SCN10A: variants seen among roughly 807,000 people sequenced by gnomAD.
The protein encoded by SCN10A is sodium voltage-gated channel alpha subunit 10.
SCN10A carries 162 observed loss-of-function variants against 170.7 expected under a neutral mutation model. The ratio of observed to expected loss-of-function variants is 0.95; its 90% CI spans 0.84 to 1.08. The LOEUF (loss-of-function observed/expected upper bound fraction) is 1.08, where lower values mean the gene tolerates loss of function less well. Among genes scored for constraint, SCN10A ranks in the 50% least tolerant of loss-of-function variants. The pLI is 0.00. For synonymous variants in SCN10A, 985 were observed against 904.6 expected (o/e 1.09, Z -1.59); for missense variants, 2,527 against 2,436.9 (o/e 1.04, Z -0.78).
At chr3:38,720,673 C>T (rs35095264) in intron 20 of SCN10A, among the ~76,000 whole-genome samples, 57 of 151,880 alleles carry the variant, frequency 3.8e-4, no homozygotes, top group Non-Finnish European at 6.9e-4. Flanking sequence ...TGCTGCAGGT[C>T]TGAGCTTCCT....
In SCN10A at chr3:38,728,751, C is replaced by G. The variant is rs77049337; in HGVS notation, c.2431G>C (p.Glu811Gln). Reference protein sequence around the residue: ...FALVGKQLLGENYRNNRKNIS... With the variant: ...FALVGKQLLGQNYRNNRKNIS... ...TTTTTTCGGTTGTTACGGTAGTTTT[C>G]CCCTAGGAGCTGCTTGCCAACCAGA... The change falls in exon 16 of 28, where the codon GAA (glutamate) becomes CAA (glutamine). Residue 811 changes from glutamate (E) to glutamine (Q), a missense_variant. By Grantham distance (29) the Glu-to-Gln change is conservative. Coordinates refer to ENST00000449082, the MANE Select transcript of SCN10A (RefSeq NM_006514.4). The G allele has an allele frequency of 3.2e-5, 52 of 1,614,026 alleles. No individual in the cohort carries two copies. Among genetic ancestry groups the G allele is most frequent in the Non-Finnish European group, 3.7e-5 (44 of 1,180,044 alleles).
At chr3:38,705,082 G>A (rs772515740) in intron 26 of SCN10A, among the ~76,000 whole-genome samples, 1 of 152,224 alleles carries the variant, frequency 6.6e-6, no homozygotes, top group Non-Finnish European at 1.5e-5. Flanking sequence ...AGCTAGGATG[G>A]TCCAAGACCT....
At chr3:38,722,523 G>A (rs1413612633) in intron 19 of SCN10A, 111 bp from the exon 20 acceptor site, 3 of 1,312,658 alleles carry the variant, frequency 2.3e-6, no homozygotes, top group Admixed American at 2.1e-5. Flanking sequence ...TCATGCCCTT[G>A]GAAAAAAATT....
intron 13 of SCN10A, among the ~76,000 whole-genome samples, chr3:38,749,368 C>CA (rs887184275): frequency 1.3e-5 from 2 of 151,904 alleles, no homozygotes; most frequent in East Asian, 1.9e-4. Context: ...TACCCTAAGG[C>CA]AAAAAAAGGC....
intron 10 of SCN10A, 53 bp from the exon 11 acceptor site, chr3:38,756,011 T>C: frequency 5.0e-6 from 8 of 1,595,018 alleles, no homozygotes; most frequent in Non-Finnish European, 4.3e-6. Flanking sequence ...GGACTTAGCA[T>C]GAATGTGTCC....
chr3:38,756,090 G>A, intron 10 of SCN10A, 132 bp from the exon 11 acceptor site: 1 of 924,328 alleles, frequency 1.1e-6, no homozygotes, highest in Non-Finnish European at 1.7e-6. Flanking sequence ...CCAGGGTGGT[G>A]GTGGGATTAG....
At chr3:38,724,511 C>T (rs1247575489) in intron 18 of SCN10A, among the ~76,000 whole-genome samples, 1 of 152,230 alleles carries the variant, frequency 6.6e-6, no homozygotes, top group Non-Finnish European at 1.5e-5. Flanking sequence ...TCCTAAACCT[C>T]TAATCTTCCA....
At chr3:38,798,786 CTTTTTTTTTT>C (rs35930968) in intron 1 of SCN10A, among the ~76,000 whole-genome samples, 4 of 97,732 alleles carry the variant, frequency 4.1e-5, no homozygotes, top group African/African-American at 8.1e-5. Context: ...CCCTTGCCTC[CTTTTTTTTTT>C]TTTTTTTTTT....
At chr3:38,797,439 T>C (rs919409070) in intron 1 of SCN10A, among the ~76,000 whole-genome samples, 1 of 152,202 alleles carries the variant, frequency 6.6e-6, no homozygotes, top group Non-Finnish European at 1.5e-5. Context: ...CTCCTGCCTA[T>C]TTGTAGTTGA....
Position 38,792,048 on chromosome 3 carries a change from A to G in SCN10A, c.389+2T>C. On this transcript the variant is annotated splice_donor_variant, in intron 3 of 27. Coordinates refer to ENST00000449082, the MANE Select transcript of SCN10A (RefSeq NM_006514.4). LOFTEE classifies it high-confidence loss of function. ...TGGAAGAGGCAATCGTGCAAAGGAT[A>G]TGAGTGGACAGACACTTTGATGGCC... The G allele has an allele frequency of 1.2e-6, 2 of 1,613,422 alleles. No homozygotes were observed. The highest frequency in any genetic ancestry group is 2.2e-5 in the East Asian group (1 of 44,864).
At chr3:38,764,417 C>G (rs1242595676) in intron 5 of SCN10A, among the ~76,000 whole-genome samples, 2 of 152,044 alleles carry the variant, frequency 1.3e-5, no homozygotes, top group African/African-American at 2.4e-5. Flanking sequence ...CATTGTTATG[C>G]CTTTGCATCC....
chr3:38,815,884 A>G (rs6798701), intron 1 of SCN10A, among the ~76,000 whole-genome samples, 153 bp downstream of exon 1: 31,197 of 152,144 alleles, frequency 0.21, 4,033 homozygotes, highest in African/African-American at 0.35. Flanking sequence ...TTTTCCAAGA[A>G]CTATGGGTGT....
At chr3:38,762,119 G>A (rs2063881451) in intron 6 of SCN10A, among the ~76,000 whole-genome samples, 1 of 152,180 alleles carries the variant, frequency 6.6e-6, no homozygotes, top group East Asian at 1.9e-4. Context: ...CTTTGGGAGA[G>A]CAGCTTCGCA....
At chr3:38,798,631 CA>C (rs2126063705) in intron 1 of SCN10A, among the ~76,000 whole-genome samples, 1 of 152,238 alleles carries the variant, frequency 6.6e-6, no homozygotes, top group Non-Finnish European at 1.5e-5. Context: ...AGTTTAGCTC[CA>C]AGCTCGGCCC....
intron 1 of SCN10A, among the ~76,000 whole-genome samples, chr3:38,795,571 C>G (rs1389609415): frequency 6.6e-6 from 1 of 151,904 alleles, no homozygotes; most frequent in African/African-American, 2.4e-5. Flanking sequence ...CAGTTCTTAT[C>G]TTGATGGTCC....
intron 20 of SCN10A, among the ~76,000 whole-genome samples, chr3:38,721,004 G>A (rs544986234): frequency 1.3e-5 from 2 of 152,258 alleles, no homozygotes; most frequent in South Asian, 4.1e-4. Flanking sequence ...CTGTCACACA[G>A]TTCCCCCTCC....
At chr3:38,778,263 C>T (rs62244107) in intron 4 of SCN10A, among the ~76,000 whole-genome samples, 31,524 of 151,726 alleles carry the variant, frequency 0.21, 3,896 homozygotes, top group Middle Eastern at 0.31. Flanking sequence ...AAAGGTTTTC[C>T]AGAATATTGT....
chr3:38,813,802 T>C (rs1435818191), intron 1 of SCN10A, among the ~76,000 whole-genome samples: 1 of 152,232 alleles, frequency 6.6e-6, no homozygotes, highest in Non-Finnish European at 1.5e-5. Flanking sequence ...ATATTAATAG[T>C]TCTAAGCCTC....
In SCN10A at chr3:38,697,222, T is replaced by C. The variant is rs980270857; in HGVS notation, c.*127A>G. ...GTTACCAGTTGCATTCCCTGCCCAG[T>C]TCTGACATTGTGACCAGTGGCATGC... On this transcript the variant is annotated 3_prime_UTR_variant, in exon 28 of 28. Transcript: ENST00000449082. 5.5e-6 allele frequency: 8 copies of C among 1,460,710 alleles called. No individual in the cohort carries two copies. The highest frequency in any genetic ancestry group is 2.5e-4 in the Middle Eastern group (1 of 3,982). The allele number at this position is 1,460,710 out of a possible 1,614,324, so 90.5% of individuals were successfully genotyped here.
Sources: allele counts gnomAD v4.1 joint callset (sites outside exome capture counted in the v4.1 genomes callset), GRCh38; gene constraint gnomAD v4.1.1; transcripts MANE v1.5; gene names NCBI Gene and HGNC (gene_info 2026-07-23, HGNC 2026-07-21).